AFG1L: variants seen among roughly 807,000 people sequenced by gnomAD.
The protein encoded by AFG1L is AFG1-like ATPase.
A neutral mutation model predicts 62.2 loss-of-function variants in AFG1L; 53 were observed. The observed-to-expected ratio is 0.85, with a 90% CI of 0.68 to 1.07. The LOEUF (loss-of-function observed/expected upper bound fraction) is 1.07. Ranked by LOEUF, AFG1L falls within the 50% of genes least tolerant of loss-of-function variation. The pLI is 0.00. For missense variants in AFG1L, 555 were observed against 590.5 expected, an observed-to-expected ratio of 0.94 and a Z score of 0.62; for synonymous variants, 228 against 210.3, an observed-to-expected ratio of 1.08 and a Z score of -0.73.
chr6:108,383,250 T>A (rs1017062103), intron 6 of AFG1L, among the ~76,000 whole-genome samples: 3 of 151,988 alleles, frequency 2.0e-5, no homozygotes, highest in Non-Finnish European at 4.4e-5. Context: ...ATAAATAAAT[T>A]AAATTAAATT....
intron 2 of AFG1L, among the ~76,000 whole-genome samples, chr6:108,340,479 C>T (rs1778641068): frequency 6.6e-6 from 1 of 151,878 alleles, no homozygotes; most frequent in Non-Finnish European, 1.5e-5. Context: ...TTCTCCTCCT[C>T]AGCCTCTCCC....
chr6:108,452,528 C>T (rs557824700), intron 8 of AFG1L, among the ~76,000 whole-genome samples: 44 of 152,294 alleles, frequency 2.9e-4, no homozygotes, highest in Admixed American at 4.6e-4. Context: ...CACACAGATG[C>T]CGTAACCTCA....
intron 1 of AFG1L, among the ~76,000 whole-genome samples, chr6:108,298,260 A>ATT (rs779200181): frequency 0.042 from 5,059 of 121,294 alleles, 186 homozygotes; most frequent in South Asian, 0.14. Context: ...GAGGGGAAGA[A>ATT]TTTTTTTTTT....
chr6:108,324,658 G>A (rs1317765174), intron 2 of AFG1L, among the ~76,000 whole-genome samples: 3 of 151,092 alleles, frequency 2.0e-5, no homozygotes, highest in African/African-American at 7.3e-5. Flanking sequence ...CCTTGCTCTT[G>A]CCCTTAGCCT....
Position 108,357,740 on chromosome 6 carries a change from A to T in AFG1L, c.648+920A>T, listed in dbSNP as rs1228459183. 2.0e-5 allele frequency among the ~76,000 whole-genome samples: 3 copies of T among 152,182 alleles called. No homozygotes were observed. In the East Asian group the frequency reaches 5.8e-4, roughly 29 times the overall value. On this transcript the variant is annotated intron_variant, in intron 5 of 12. Transcript: ENST00000368977. ...CTTAGTTTTAGGATTCTCTGAAATT[A>T]TGCGTTTAAATTGGTAGTGAGTTAT...
At chr6:108,391,708 C>A (rs769421054) in intron 6 of AFG1L, among the ~76,000 whole-genome samples, 5 of 152,072 alleles carry the variant, frequency 3.3e-5, no homozygotes, top group African/African-American at 1.2e-4. Context: ...TTTGTCTAAG[C>A]CAATGTCTAG....
At chr6:108,408,917 T>C (rs1168232643) in intron 7 of AFG1L, among the ~76,000 whole-genome samples, 1 of 152,178 alleles carries the variant, frequency 6.6e-6, no homozygotes, top group African/African-American at 2.4e-5. Flanking sequence ...AAAAAGACAG[T>C]TGTGGGCACA....
intron 6 of AFG1L, among the ~76,000 whole-genome samples, chr6:108,394,174 G>T (rs960159740): frequency 8.0e-6 from 1 of 125,408 alleles, no homozygotes; most frequent in African/African-American, 3.0e-5. Context: ...TCTTTCCAGA[G>T]TCTCACTCTG....
chr6:108,330,588 A>C (rs1778238737), intron 2 of AFG1L, among the ~76,000 whole-genome samples: 1 of 152,154 alleles, frequency 6.6e-6, no homozygotes, highest in Admixed American at 6.5e-5. Context: ...AAGAGTGGAA[A>C]CTGTAAGGGA....
intron 8 of AFG1L, among the ~76,000 whole-genome samples, chr6:108,463,135 G>A (rs530456105): frequency 1.3e-5 from 2 of 151,910 alleles, no homozygotes; most frequent in South Asian, 2.1e-4. Flanking sequence ...CTAAAAATAC[G>A]AAAATTAGCC....
At chr6:108,520,536 A>G (rs1304734813) in intron 12 of AFG1L, 4 of 151,380 alleles carry the variant, frequency 2.6e-5, no homozygotes, top group East Asian at 1.9e-4. Context: ...AAAGTTTACA[A>G]CTATCAACAC....
At chr6:108,477,325 C>G (rs1773149989) in intron 10 of AFG1L, 33 bp downstream of exon 10, 1 of 1,288,104 alleles carries the variant, frequency 7.8e-7, no homozygotes, top group South Asian at 1.4e-5. Context: ...ACTCACTGGC[C>G]TTTTCACATG....
intron 10 of AFG1L, among the ~76,000 whole-genome samples, chr6:108,503,639 G>T (rs953842622): frequency 2.0e-5 from 3 of 152,202 alleles, no homozygotes; most frequent in Non-Finnish European, 1.5e-5. Flanking sequence ...TTTCAGAATG[G>T]TAAATGAGCA....
chr6:108,364,863 GC>G (rs376441123), intron 5 of AFG1L, among the ~76,000 whole-genome samples: 18,736 of 59,400 alleles, frequency 0.32, 3,512 homozygotes, highest in African/African-American at 0.51. Flanking sequence ...ACCTGAGACA[GC>G]CAAAAAAAAA....
chr6:108,508,437 T>C (rs1774507744), intron 10 of AFG1L, among the ~76,000 whole-genome samples: 1 of 151,960 alleles, frequency 6.6e-6, no homozygotes, highest in African/African-American at 2.4e-5. Flanking sequence ...GGAAGGAAAA[T>C]GGGAAGGGCG....
At chr6:108,434,902 T>G (rs775917245) in intron 7 of AFG1L, among the ~76,000 whole-genome samples, 15 of 152,328 alleles carry the variant, frequency 9.8e-5, no homozygotes, top group Non-Finnish European at 1.6e-4. Context: ...TTTCTTGAGT[T>G]TGAAACATTC....
chr6:108,481,471 C>G (rs1487510268), intron 10 of AFG1L, among the ~76,000 whole-genome samples: 2 of 152,132 alleles, frequency 1.3e-5, no homozygotes, highest in African/African-American at 4.8e-5. Context: ...GGCTTTTTCA[C>G]TCTGGTAGTA....
chr6:108,295,499 C>T (rs60278292), intron 1 of AFG1L, among the ~76,000 whole-genome samples: 7,671 of 151,978 alleles, frequency 0.05, 351 homozygotes, highest in Admixed American at 0.15. Context: ...AGTGGGAGTG[C>T]CTGGCTTGAA....
At chr6:108,436,045 A>G (rs943065412) in intron 7 of AFG1L, among the ~76,000 whole-genome samples, 2 of 152,226 alleles carry the variant, frequency 1.3e-5, no homozygotes, top group African/African-American at 2.4e-5. Context: ...TGTCTCTACA[A>G]TCTCATTCAG....
Sources: gnomAD v4.1 joint callset for allele counts (sites outside exome capture counted in the v4.1 genomes callset) on GRCh38, gnomAD v4.1.1 for gene constraint, MANE v1.5 for transcripts, NCBI Gene and HGNC (gene_info 2026-07-23, HGNC 2026-07-21) for gene names.